Variants in GALNTL6 observed in about 807,000 individuals in gnomAD.
GALNTL6 encodes polypeptide N-acetylgalactosaminyltransferase-like 6.
In GALNTL6, 46 loss-of-function variants were observed where a neutral mutation model predicts 73.7. The ratio of observed to expected loss-of-function variants is 0.62; its 90% CI spans 0.49 to 0.80. The LOEUF (loss-of-function observed/expected upper bound fraction) is 0.80, where lower values mean the gene tolerates loss of function less well. Among genes scored for constraint, GALNTL6 ranks in the 30% least tolerant of loss-of-function variants. The probability of loss-of-function intolerance (pLI) is 0.00; values close to 1 mark genes in which losing one functional copy is unlikely to be tolerated. For synonymous variants in GALNTL6, 259 were observed against 263.7 expected (o/e 0.98, Z 0.17); for missense variants, 604 against 755.0 (o/e 0.80, Z 2.34).
At chr4:172,584,644 C>G (rs1378113001) in intron 5 of GALNTL6, among the ~76,000 whole-genome samples, 1 of 152,100 alleles carries the variant, frequency 6.6e-6, no homozygotes, top group Non-Finnish European at 1.5e-5. Flanking sequence ...GGTTGTGGAG[C>G]TATTTTTATT....
chr4:172,525,460 G>A (rs1039472318), intron 5 of GALNTL6, among the ~76,000 whole-genome samples: 2 of 152,032 alleles, frequency 1.3e-5, no homozygotes, highest in East Asian at 1.9e-4. Flanking sequence ...TATAAATGGC[G>A]TGGTTTTAAA....
chr4:172,031,307 C>T (rs1741762654), intron 2 of GALNTL6, among the ~76,000 whole-genome samples: 3 of 152,032 alleles, frequency 2.0e-5, no homozygotes, highest in Admixed American at 1.3e-4. Flanking sequence ...AATATGGTCC[C>T]TGTGCAAATT....
chr4:172,893,737 G>A (rs973739249), intron 8 of GALNTL6, among the ~76,000 whole-genome samples: 2 of 152,216 alleles, frequency 1.3e-5, no homozygotes, highest in African/African-American at 4.8e-5. Flanking sequence ...GGGGGGAAGG[G>A]TACCTATGGT....
At chr4:171,952,500 G>C (rs1738915866) in intron 2 of GALNTL6, among the ~76,000 whole-genome samples, 1 of 152,092 alleles carries the variant, frequency 6.6e-6, no homozygotes, top group African/African-American at 2.4e-5. Context: ...TCTGAATTTA[G>C]TGATGTGTAA....
intron 2 of GALNTL6, among the ~76,000 whole-genome samples, chr4:171,873,907 G>T (rs1212813962): frequency 6.6e-6 from 1 of 152,118 alleles, no homozygotes; most frequent in African/African-American, 2.4e-5. Flanking sequence ...TTATTGAAAT[G>T]TCAAAAATCT....
chr4:173,035,367 G>A (rs1753651422), intron 12 of GALNTL6, among the ~76,000 whole-genome samples: 2 of 142,566 alleles, frequency 1.4e-5, no homozygotes, highest in South Asian at 2.1e-4. Context: ...TAGTACAGAC[G>A]GGATTTCCCC....
intron 5 of GALNTL6, among the ~76,000 whole-genome samples, chr4:172,673,456 G>A (rs1732105330): frequency 6.6e-6 from 1 of 152,104 alleles, no homozygotes; most frequent in Non-Finnish European, 1.5e-5. Context: ...TGTTTTGGGG[G>A]GATGGAGAGT....
At chr4:172,443,289 C>T (rs1731906665) in intron 5 of GALNTL6, among the ~76,000 whole-genome samples, 1 of 150,518 alleles carries the variant, frequency 6.6e-6, no homozygotes, top group Admixed American at 6.6e-5. Flanking sequence ...CCTCAGCCTC[C>T]CAAGTAGATG....
intron 5 of GALNTL6, among the ~76,000 whole-genome samples, chr4:172,779,001 A>C (rs1041851149): frequency 2.0e-5 from 3 of 149,320 alleles, no homozygotes; most frequent in Non-Finnish European, 4.4e-5. Flanking sequence ...TCACACACAC[A>C]CTCCCATACA....
chr4:172,151,104 T>C (rs560713237), intron 2 of GALNTL6, among the ~76,000 whole-genome samples: 2 of 152,282 alleles, frequency 1.3e-5, no homozygotes, highest in African/African-American at 4.8e-5. Context: ...TAGGTGACTA[T>C]GCCAAAAAGA....
At chr4:172,475,336 C>T (rs533852135) in intron 5 of GALNTL6, among the ~76,000 whole-genome samples, 54 of 151,764 alleles carry the variant, frequency 3.6e-4, no homozygotes, top group African/African-American at 9.2e-4. Flanking sequence ...ATTTATGATA[C>T]GATCAGGTAA....
At chr4:173,009,371 CA>C (rs757132159) in intron 11 of GALNTL6, 77 bp downstream of exon 11, 48 of 883,702 alleles carry the variant, frequency 5.4e-5, no homozygotes, top group Non-Finnish European at 8.4e-5. Context: ...GCAGCTGGAA[CA>C]AATCTCCGAA....
At chr4:172,847,553 A>G (rs993305133) in intron 7 of GALNTL6, among the ~76,000 whole-genome samples, 33 of 152,058 alleles carry the variant, frequency 2.2e-4, no homozygotes, top group African/African-American at 6.7e-4. Flanking sequence ...ATTTAATCCT[A>G]CTTTTTCTGT....
At chr4:172,453,351 A>T (rs1178917035) in intron 5 of GALNTL6, among the ~76,000 whole-genome samples, 1 of 152,252 alleles carries the variant, frequency 6.6e-6, no homozygotes, top group African/African-American at 2.4e-5. Flanking sequence ...TTAAAAAGGA[A>T]TGCATGGAAA....
At chr4:172,786,097 C>G (rs925652881) in intron 5 of GALNTL6, among the ~76,000 whole-genome samples, 1 of 151,850 alleles carries the variant, frequency 6.6e-6, no homozygotes, top group Non-Finnish European at 1.5e-5. Context: ...GGCAATGACT[C>G]CAAAATAGGG....
chr4:172,898,326 G>A (rs1011271601), intron 8 of GALNTL6, among the ~76,000 whole-genome samples: 3 of 128,566 alleles, frequency 2.3e-5, no homozygotes, highest in East Asian at 4.5e-4. Flanking sequence ...ACACACACAC[G>A]TATAAGATAA....
chr4:171,976,643 C>A (rs372292991), intron 2 of GALNTL6, among the ~76,000 whole-genome samples: 1 of 152,142 alleles, frequency 6.6e-6, no homozygotes, highest in South Asian at 2.1e-4. Context: ...ATGGTGACTG[C>A]ATTAGGATAA....
intron 4 of GALNTL6, among the ~76,000 whole-genome samples, chr4:172,343,315 C>T (rs1002281286): frequency 2.6e-5 from 4 of 152,024 alleles, no homozygotes; most frequent in African/African-American, 4.8e-5. Flanking sequence ...CAATAGGCAG[C>T]GAGAAGTAAT....
chr4:172,391,402 A>G (rs1268127299), intron 5 of GALNTL6, among the ~76,000 whole-genome samples: 1 of 152,170 alleles, frequency 6.6e-6, no homozygotes. Flanking sequence ...AGTCCGTGTC[A>G]TGATCATAAC....
Sources: gnomAD v4.1 joint callset for allele counts (sites outside exome capture counted in the v4.1 genomes callset) on GRCh38, gnomAD v4.1.1 for gene constraint, MANE v1.5 for transcripts, NCBI Gene and HGNC (gene_info 2026-07-23, HGNC 2026-07-21) for gene names.